Variants in CCDC91 observed in about 807,000 individuals in gnomAD.
CCDC91 encodes coiled-coil domain-containing protein 91.
A neutral mutation model predicts 63.2 loss-of-function variants in CCDC91; 48 were observed. That is an observed-to-expected ratio of 0.76 (90% CI 0.60 to 0.97). The LOEUF is 0.97. CCDC91 is among the 50% of genes least tolerant of loss of function. The probability of loss-of-function intolerance (pLI) is 0.00; values close to 1 mark genes in which losing one functional copy is unlikely to be tolerated. For synonymous variants in CCDC91, 167 were observed against 165.8 expected (o/e 1.01, Z -0.06); for missense variants, 500 against 494.6 (o/e 1.01, Z -0.10).
chr12:28,218,377 A>G (rs1312214214), intron 1 of CCDC91, among the ~76,000 whole-genome samples: 3 of 152,144 alleles, frequency 2.0e-5, no homozygotes, highest in Non-Finnish European at 4.4e-5. Flanking sequence ...TTCTTTCTGT[A>G]TATCATAGTG....
chr12:28,391,161 T>C (rs1945915696), intron 7 of CCDC91, 143 bp from the exon 8 acceptor site: 2 of 514,960 alleles, frequency 3.9e-6, no homozygotes, highest in Non-Finnish European at 7.0e-6. Flanking sequence ...TATATAAATG[T>C]GCTTCAGTAT....
At chr12:28,504,878 A>G (rs1473119307) in intron 12 of CCDC91, among the ~76,000 whole-genome samples, 1 of 151,974 alleles carries the variant, frequency 6.6e-6, no homozygotes, top group Non-Finnish European at 1.5e-5. Context: ...TTACCTGTAG[A>G]AATTCTTTTG....
At chr12:28,519,163 TTC>T (rs1940297435) in intron 12 of CCDC91, among the ~76,000 whole-genome samples, 1 of 152,086 alleles carries the variant, frequency 6.6e-6, no homozygotes, top group East Asian at 1.9e-4. Flanking sequence ...ACAATATTGA[TTC>T]TGTCCATCCA....
At chr12:28,488,287 A>G (rs1328484583) in intron 12 of CCDC91, among the ~76,000 whole-genome samples, 1 of 151,864 alleles carries the variant, frequency 6.6e-6, no homozygotes, top group African/African-American at 2.4e-5. Context: ...CTACCTGTAC[A>G]TGTACTAATT....
At chr12:28,211,641 G>A (rs1355921040) in intron 1 of CCDC91, among the ~76,000 whole-genome samples, 11 of 152,242 alleles carry the variant, frequency 7.2e-5, no homozygotes, top group Admixed American at 3.3e-4. Context: ...GTAAGAGTTC[G>A]TTGCCTCTTG....
chr12:28,525,400 G>A (rs552416435), intron 12 of CCDC91, among the ~76,000 whole-genome samples: 1 of 152,180 alleles, frequency 6.6e-6, no homozygotes, highest in African/African-American at 2.4e-5. Context: ...CCATGTATTT[G>A]CATGGTTTTG....
At chr12:28,192,569 T>G (rs1393887936) in intron 1 of CCDC91, among the ~76,000 whole-genome samples, 2 of 152,240 alleles carry the variant, frequency 1.3e-5, no homozygotes, top group Non-Finnish European at 2.9e-5. Flanking sequence ...TCTCTTTGGA[T>G]TAACTCTTGG....
chr12:28,293,592 G>A (rs1485744582), intron 3 of CCDC91, among the ~76,000 whole-genome samples: 26 of 152,152 alleles, frequency 1.7e-4, no homozygotes, highest in Admixed American at 1.2e-3. Context: ...ATGATAGACT[G>A]TTGTTGGTAT....
intron 11 of CCDC91, among the ~76,000 whole-genome samples, chr12:28,483,099 A>C (rs1161387765): frequency 6.6e-6 from 1 of 151,942 alleles, no homozygotes; most frequent in Non-Finnish European, 1.5e-5. Context: ...TTTTACAGTA[A>C]ATAGATTTGA....
intron 12 of CCDC91, among the ~76,000 whole-genome samples, chr12:28,506,623 G>A (rs531223201): frequency 1.4e-4 from 22 of 152,044 alleles, no homozygotes; most frequent in African/African-American, 5.3e-4. Context: ...TGATTCATGT[G>A]CATTATCTCA....
chr12:28,278,673 T>C (rs1350622079), intron 3 of CCDC91, among the ~76,000 whole-genome samples: 1 of 152,064 alleles, frequency 6.6e-6, no homozygotes, highest in African/African-American at 2.4e-5. Flanking sequence ...TCAATTATAT[T>C]GAAGTACTTG....
At chr12:28,307,509 A>C in intron 5 of CCDC91, 136 bp from the exon 6 acceptor site, 1 of 550,216 alleles carries the variant, frequency 1.8e-6, no homozygotes, top group East Asian at 3.2e-5. Flanking sequence ...TATAATTTAT[A>C]ATATTGTTAG....
At chr12:28,485,543 TTCAACAGAGGAGAATTTG>T (rs1263956364) in intron 12 of CCDC91, among the ~76,000 whole-genome samples, 1 of 152,056 alleles carries the variant, frequency 6.6e-6, no homozygotes, top group African/African-American at 2.4e-5. Flanking sequence ...ACAGTTAGGT[TTCAACAGAGGAGAATTTG>T]TCACCAGAGT....
chr12:28,200,925 C>T (rs1180980950), intron 1 of CCDC91, among the ~76,000 whole-genome samples: 17 of 149,678 alleles, frequency 1.1e-4, no homozygotes, highest in African/African-American at 3.5e-4. Context: ...ACCTCCCTTC[C>T]GGACGGGGCG....
intron 7 of CCDC91, among the ~76,000 whole-genome samples, chr12:28,381,692 G>C (rs997495677): frequency 6.6e-6 from 1 of 152,084 alleles, no homozygotes; most frequent in Non-Finnish European, 1.5e-5. Flanking sequence ...TGTTTTAGTA[G>C]GATATTCATG....
intron 12 of CCDC91, among the ~76,000 whole-genome samples, chr12:28,535,202 C>T (rs1020273097): frequency 8.5e-5 from 13 of 152,246 alleles, no homozygotes; most frequent in Non-Finnish European, 1.6e-4. Flanking sequence ...TACTTTTAAA[C>T]TCCTTAGTAT....
chr12:28,504,721 A>C (rs1443621790), intron 12 of CCDC91, among the ~76,000 whole-genome samples: 1 of 151,940 alleles, frequency 6.6e-6, no homozygotes, highest in Non-Finnish European at 1.5e-5. Context: ...TTCTTTCACA[A>C]GCTACGTATG....
At chr12:28,254,064 T>C (rs1946289129) in intron 1 of CCDC91, among the ~76,000 whole-genome samples, 1 of 152,244 alleles carries the variant, frequency 6.6e-6, no homozygotes, top group African/African-American at 2.4e-5. Context: ...ATTCTGTATA[T>C]GTTTTGTCCT....
intron 6 of CCDC91, among the ~76,000 whole-genome samples, chr12:28,341,131 C>G (rs1298138066): frequency 6.6e-6 from 1 of 152,154 alleles, no homozygotes; most frequent in Non-Finnish European, 1.5e-5. Context: ...CCACTGGCGT[C>G]CTCTCAACGT....
Sources: gnomAD v4.1 joint callset for allele counts (sites outside exome capture counted in the v4.1 genomes callset) on GRCh38, gnomAD v4.1.1 for gene constraint, MANE v1.5 for transcripts, NCBI Gene and HGNC (gene_info 2026-07-23, HGNC 2026-07-21) for gene names.